Variants in HHIPL1 observed in about 807,000 individuals in gnomAD.
The protein encoded by HHIPL1 is HHIP-like protein 1.
HHIPL1 carries 43 observed loss-of-function variants against 61.8 expected under a neutral mutation model. The ratio of observed to expected loss-of-function variants is 0.70; its 90% CI spans 0.55 to 0.90. The LOEUF is 0.90. Among genes scored for constraint, HHIPL1 ranks in the 40% least tolerant of loss-of-function variants. HHIPL1 has a pLI of 0.00. For missense variants in HHIPL1, 1,056 were observed against 1,157.7 expected (o/e 0.91, Z 1.28); for synonymous variants, 482 against 515.8 (o/e 0.93, Z 0.89).
chr14:99,674,587 T>TGGCCACC (rs1252954076), intron 8 of HHIPL1, among the ~76,000 whole-genome samples: 1 of 152,154 alleles, frequency 6.6e-6, no homozygotes, highest in Admixed American at 6.5e-5. Flanking sequence ...TGCTGGCCAC[T>TGGCCACC]GGCCACCACA....
chr14:99,634,251 G>A, the HHIPL1 span, among the ~76,000 whole-genome samples: 1 of 152,144 alleles, frequency 6.6e-6, no homozygotes, highest in Non-Finnish European at 1.5e-5. Flanking sequence ...GGCTGGAGAT[G>A]CCTGGGGCCT....
chr14:99,619,416 C>G, the HHIPL1 span, among the ~76,000 whole-genome samples: 99 of 149,994 alleles, frequency 6.6e-4, no homozygotes, highest in African/African-American at 2.1e-3. Context: ...GGGCCGAGAT[C>G]GCACTGTTGC....
chr14:99,646,297 C>A (rs943717630), intron 1 of HHIPL1, among the ~76,000 whole-genome samples: 1 of 152,240 alleles, frequency 6.6e-6, no homozygotes, highest in African/African-American at 2.4e-5. Flanking sequence ...GCCTCAGCAT[C>A]TGGGCAGTGA....
At position 99,652,274 on chromosome 14, in the gene HHIPL1, GC is replaced by G; in HGVS notation, c.310del (p.Leu104CysfsTer72). The G allele has an allele frequency of 6.2e-7, 1 of 1,613,448 alleles. No homozygotes were observed. Among genetic ancestry groups the G allele is most frequent in the South Asian group, 1.1e-5 (1 of 91,046 alleles). On this transcript the variant is annotated frameshift_variant, in exon 2 of 9. Coordinates refer to ENST00000330710, the MANE Select transcript of HHIPL1 (RefSeq NM_001127258.3). LOFTEE classifies it high-confidence loss of function. Reference protein sequence around the residue: ...HLYDAEDPFTPLRTVPGLCQD... With the variant: ...HLYDAEDPFTXLRTVPGLCQD... ...TCTATGACGCCGAGGACCCATTCAC[GC>G]CCCTGCGCACGGTGCCCGGGCTCTG...
At chr14:99,627,095 TCTATCCAG>T in the HHIPL1 span, among the ~76,000 whole-genome samples, 1 of 152,058 alleles carries the variant, frequency 6.6e-6, no homozygotes, top group South Asian at 2.1e-4. This position sits in a 1 kb window ranked among gnomAD's most constrained non-coding sequence, Gnocchi z 4.4. Context: ...CACCCATCCA[TCTATCCAG>T]CTATCCATCC....
chr14:99,667,109 C>G (rs2056258607), intron 6 of HHIPL1, among the ~76,000 whole-genome samples: 1 of 151,794 alleles, frequency 6.6e-6, no homozygotes, highest in Non-Finnish European at 1.5e-5. Context: ...CCCAGTCCAG[C>G]TGAGCTCTCT....
At chr14:99,620,224 T>A in the HHIPL1 span, among the ~76,000 whole-genome samples, 1 of 152,100 alleles carries the variant, frequency 6.6e-6, no homozygotes, top group Admixed American at 6.5e-5. Flanking sequence ...GTCCCTCAGC[T>A]CCCCAGGGAG....
At chr14:99,671,253 C>T (rs2056323448) in intron 7 of HHIPL1, among the ~76,000 whole-genome samples, 2 of 152,300 alleles carry the variant, frequency 1.3e-5, no homozygotes, top group South Asian at 4.1e-4. Context: ...ACCACTGTGG[C>T]ATTTTGGGGT....
intron 8 of HHIPL1, among the ~76,000 whole-genome samples, 194 bp downstream of exon 8, chr14:99,672,593 G>T (rs771418791): frequency 6.6e-6 from 1 of 152,226 alleles, no homozygotes; most frequent in Non-Finnish European, 1.5e-5. Context: ...ACTGGGTCTT[G>T]CTTGATTGGT....
intron 6 of HHIPL1, among the ~76,000 whole-genome samples, chr14:99,663,990 G>A (rs866639788): frequency 5.9e-5 from 9 of 152,314 alleles, no homozygotes; most frequent in East Asian, 5.8e-4. Context: ...ATTTCAAAGC[G>A]GGTGGACACA....
intron 6 of HHIPL1, among the ~76,000 whole-genome samples, chr14:99,664,278 C>T (rs1040837390): frequency 2.0e-5 from 3 of 152,188 alleles, no homozygotes; most frequent in Non-Finnish European, 4.4e-5. Flanking sequence ...GTCTGGGAAA[C>T]CTTTGTTGAA....
chr14:99,627,365 C>T, the HHIPL1 span, among the ~76,000 whole-genome samples: 1 of 152,166 alleles, frequency 6.6e-6, no homozygotes, highest in Non-Finnish European at 1.5e-5. This position sits in a 1 kb window ranked among gnomAD's most constrained non-coding sequence, Gnocchi z 4.4. Context: ...TCCATCCATC[C>T]ATCCGTCCAT....
At chr14:99,617,514 C>T in the HHIPL1 span, among the ~76,000 whole-genome samples, 1 of 152,102 alleles carries the variant, frequency 6.6e-6, no homozygotes, top group Admixed American at 6.5e-5. Flanking sequence ...ACTGGTTGCT[C>T]TGGGGAGTGG....
the HHIPL1 span, among the ~76,000 whole-genome samples, chr14:99,631,157 A>G: frequency 4.3e-5 from 6 of 140,158 alleles, no homozygotes; most frequent in Admixed American, 7.7e-5. Context: ...TTGCTGTGTC[A>G]CCCAGGCTGG....
the HHIPL1 span, among the ~76,000 whole-genome samples, chr14:99,626,194 G>A: frequency 3.5e-3 from 540 of 152,306 alleles, 1 homozygote; most frequent in African/African-American, 9.9e-3. Context: ...GACCCCAGCA[G>A]GCATCTGCTC....
intron 6 of HHIPL1, among the ~76,000 whole-genome samples, chr14:99,666,036 C>T (rs780789452): frequency 6.6e-6 from 1 of 152,204 alleles, no homozygotes; most frequent in Non-Finnish European, 1.5e-5. Context: ...CCCGCCTTGG[C>T]CTTCCAAAGT....
At chr14:99,644,745 C>T (rs2055799443), upstream of HHIPL1, among the ~76,000 whole-genome samples, 1 of 152,162 alleles carries the variant, frequency 6.6e-6, no homozygotes, top group Admixed American at 6.5e-5. Flanking sequence ...GGGCAACACC[C>T]CCTGTTCTTT....
At chr14:99,623,272 A>G in the HHIPL1 span, among the ~76,000 whole-genome samples, 5 of 152,198 alleles carry the variant, frequency 3.3e-5, no homozygotes, top group Non-Finnish European at 7.3e-5. Context: ...ATTACCCTTT[A>G]AGGCTGGCTC....
At position 99,668,680 on chromosome 14, in the gene HHIPL1, C is replaced by CCCAATTT. The variant is rs1287518872; in HGVS notation, c.1730+378_1730+384dup. On this transcript the variant is annotated intron_variant, in intron 7 of 8. Coordinates refer to ENST00000330710, the MANE Select transcript of HHIPL1 (RefSeq NM_001127258.3). This position sits in a 1 kb window ranked among gnomAD's most constrained non-coding sequence, Gnocchi z 4.7. ...GCCCCTGCACCCCCACACCCCAGCC[C>CCCAATTT]CCAATTTGCCTCTGTGATGCCTCCC... 5.8e-6 allele frequency: 4 copies of CCCAATTT among 684,910 alleles called. No homozygotes were observed. The East Asian group carries it at 1.0e-4, about 18-fold the overall frequency. 42.4% of individuals were successfully genotyped at this position (684,910 alleles called of 1,614,324 possible).
Sources: allele counts gnomAD v4.1 joint callset (sites outside exome capture counted in the v4.1 genomes callset), GRCh38; gene constraint gnomAD v4.1.1; non-coding constraint Gnocchi (gnomAD v3.1); transcripts MANE v1.5; gene names NCBI Gene and HGNC (gene_info 2026-07-23, HGNC 2026-07-21).